The following ZFHX3 variants were observed in gnomAD, a reference collection of about 807,000 sequenced individuals.
The protein encoded by ZFHX3 is zinc finger homeobox protein 3.
In ZFHX3, 42 loss-of-function variants were observed where a neutral mutation model predicts 279.1. The observed-to-expected ratio is 0.15, with a 90% CI of 0.12 to 0.19. The LOEUF (loss-of-function observed/expected upper bound fraction) is 0.19. Among genes scored for constraint, ZFHX3 ranks in the 10% least tolerant of loss-of-function variants. The pLI, the probability that ZFHX3 is intolerant of heterozygous loss-of-function variation, is 1.00. For missense variants in ZFHX3, 4,981 were observed against 4,754.0 expected (o/e 1.05, Z -1.40); for synonymous variants, 2,293 against 1,957.8 (o/e 1.17, Z -4.52).
intron 4 of ZFHX3, among the ~76,000 whole-genome samples, chr16:73,302,320 A>T (rs1237715596): frequency 6.6e-6 from 1 of 150,522 alleles, no homozygotes; most frequent in Non-Finnish European, 1.5e-5. Context: ...TTAAAAATCC[A>T]TTCAATTGGC....
intron 2 of ZFHX3, among the ~76,000 whole-genome samples, chr16:73,676,927 T>C (rs997228030): frequency 9.9e-5 from 15 of 152,000 alleles, no homozygotes; most frequent in African/African-American, 3.6e-4. Context: ...ATGTGTCAAA[T>C]AACGCAACAC....
rs144279822 is a variant in ZFHX3 at position 72,959,395 on chromosome 16, C to G, written c.751G>C (p.Ala251Pro). 1.9e-6 allele frequency: 3 copies of G among 1,614,202 alleles called. No individual in the cohort carries two copies. In the African/African-American group the frequency reaches 4.0e-5, roughly 22 times the overall value. ...NKDYLNSDGS[A>P]KSSCVSKDVP... is the part of the protein sequence containing the mutation. ...TCTTTGGATACGCAGGAGCTTTTGG[C>G]AGAACCGTCGCTGTTCAGGTAATCC... The change falls in exon 2 of 10, where the codon GCC (alanine) becomes CCC (proline). Residue 251 changes from alanine to proline, a missense_variant. Physicochemically the swap from Ala to Pro is conservative, Grantham distance 27 (BLOSUM62 -1). Coordinates refer to ENST00000268489, the MANE Select transcript of ZFHX3 (RefSeq NM_006885.4).
intron 2 of ZFHX3, among the ~76,000 whole-genome samples, chr16:73,577,609 G>T (rs1291317162): frequency 6.6e-6 from 1 of 152,080 alleles, no homozygotes; most frequent in African/African-American, 2.4e-5. Context: ...ATTCTAAAAA[G>T]AGCAAACACT....
At chr16:73,333,670 C>A (rs138909094) in intron 3 of ZFHX3, among the ~76,000 whole-genome samples, 1 of 151,870 alleles carries the variant, frequency 6.6e-6, no homozygotes, top group African/African-American at 2.4e-5. Context: ...AACAAGGGCT[C>A]TATACTAGGC....
intron 3 of ZFHX3, among the ~76,000 whole-genome samples, chr16:73,376,798 G>A (rs2016730101): frequency 6.6e-6 from 1 of 152,148 alleles, no homozygotes; most frequent in Non-Finnish European, 1.5e-5. Context: ...CTGAGTAACT[G>A]ATTTCTCTGT....
In ZFHX3 at chr16:72,787,056, T is replaced by C. The variant is rs1482589886; in HGVS notation, c.*108A>G. ...TTTTTTTTCTTTTTTTTTTTTTTTT[T>C]GTTTTTTGGTTAGAAGCTTTGGAAT... On this transcript the variant is annotated 3_prime_UTR_variant, in exon 10 of 10. Transcript: ENST00000268489. 3.8e-6 allele frequency: 4 copies of C among 1,065,644 alleles called. No individual in the cohort carries two copies. In the African/African-American group the frequency reaches 6.6e-5, roughly 18 times the overall value. The allele number at this position is 1,065,644 out of a possible 1,614,324, so 66.0% of individuals were successfully genotyped here.
intron 3 of ZFHX3, among the ~76,000 whole-genome samples, chr16:73,366,918 T>G (rs1013618933): frequency 1.3e-5 from 2 of 152,196 alleles, no homozygotes; most frequent in African/African-American, 4.8e-5. Flanking sequence ...AAAAGTATTT[T>G]TGCCTAACAT....
At chr16:72,900,754 C>T (rs2039015005) in intron 3 of ZFHX3, among the ~76,000 whole-genome samples, 1 of 152,136 alleles carries the variant, frequency 6.6e-6, no homozygotes, top group African/African-American at 2.4e-5. Context: ...CTGGAGTGAG[C>T]CCCAAGAATC....
At chr16:73,532,730 A>C (rs918063592) in intron 2 of ZFHX3, among the ~76,000 whole-genome samples, 1 of 152,174 alleles carries the variant, frequency 6.6e-6, no homozygotes, top group Non-Finnish European at 1.5e-5. Context: ...CTGTGTCCCC[A>C]CCCAAATCTC....
At position 73,736,019 on chromosome 16, in the gene ZFHX3, C is replaced by G. The variant is rs1057395857; in HGVS notation, c.-1607-55779G>C. On this transcript the variant is annotated intron_variant, in intron 1 of 17. Coordinates refer to the ZFHX3 transcript ENST00000641206. ...CTCCCCCAGGGTACTAAGCACTGGA[C>G]TCACAGCTCTTCCTGCTAGATCTAC... 3.9e-5 allele frequency among the ~76,000 whole-genome samples: 6 copies of G among 152,026 alleles called. No homozygotes were observed. In the South Asian group the frequency reaches 1.2e-3, roughly 32 times the overall value.
chr16:73,444,980 A>C (rs2018157753), intron 3 of ZFHX3, among the ~76,000 whole-genome samples: 1 of 119,188 alleles, frequency 8.4e-6, no homozygotes, highest in African/African-American at 3.0e-5. Context: ...AAAAAAAAAA[A>C]ACAAATTAGC....
At chr16:73,024,432 T>C (rs1964421936) in intron 1 of ZFHX3, among the ~76,000 whole-genome samples, 1 of 152,118 alleles carries the variant, frequency 6.6e-6, no homozygotes, top group African/African-American at 2.4e-5. Context: ...GCACCACCCA[T>C]GAAGACTGAG....
intron 2 of ZFHX3, among the ~76,000 whole-genome samples, chr16:73,646,847 A>C (rs1378532074): frequency 6.6e-6 from 1 of 152,178 alleles, no homozygotes; most frequent in African/African-American, 2.4e-5. Context: ...AAATGCCTCA[A>C]ACTCAGCCAG....
chr16:73,211,872 C>T (rs1053614492), intron 5 of ZFHX3, among the ~76,000 whole-genome samples: 6 of 151,876 alleles, frequency 4.0e-5, no homozygotes, highest in Non-Finnish European at 5.9e-5. Context: ...TAGTGGGCCT[C>T]GGCCTCACAC....
At chr16:73,288,580 C>T (rs1417437455) in intron 4 of ZFHX3, among the ~76,000 whole-genome samples, 1 of 152,158 alleles carries the variant, frequency 6.6e-6, no homozygotes, top group African/African-American at 2.4e-5. Flanking sequence ...AGCAACTCCC[C>T]ACGCTGTCCG....
At chr16:73,361,126 A>G (rs957403119) in intron 3 of ZFHX3, among the ~76,000 whole-genome samples, 1 of 152,218 alleles carries the variant, frequency 6.6e-6, no homozygotes, top group African/African-American at 2.4e-5. Flanking sequence ...CATTCCCAAG[A>G]GCATCAAGTG....
chr16:72,955,137 G>C (rs986694764), intron 2 of ZFHX3, among the ~76,000 whole-genome samples: 2 of 152,180 alleles, frequency 1.3e-5, no homozygotes, highest in Non-Finnish European at 2.9e-5. Flanking sequence ...CTGGCATAAA[G>C]GATTTGTGGC....
intron 4 of ZFHX3, among the ~76,000 whole-genome samples, chr16:73,275,783 C>T (rs933322358): frequency 6.6e-6 from 1 of 152,232 alleles, no homozygotes; most frequent in Non-Finnish European, 1.5e-5. Flanking sequence ...TGCAAATACA[C>T]TTGCTTGATG....
At chr16:73,204,814 G>A (rs1433607112) in intron 5 of ZFHX3, among the ~76,000 whole-genome samples, 2 of 152,198 alleles carry the variant, frequency 1.3e-5, no homozygotes, top group Non-Finnish European at 2.9e-5. Context: ...AACCTCAGCA[G>A]GGTAGTCACG....
Sources: allele counts gnomAD v4.1 joint callset (sites outside exome capture counted in the v4.1 genomes callset), GRCh38; gene constraint gnomAD v4.1.1; transcripts MANE v1.5; gene names NCBI Gene and HGNC (gene_info 2026-07-23, HGNC 2026-07-21).